Variants in PPFIBP1 observed in about 807,000 individuals in gnomAD.
The protein encoded by PPFIBP1 is PPFIB scaffold protein 1.
Under a neutral mutation model 137.8 loss-of-function variants are expected in PPFIBP1, and 112 were observed. That is an observed-to-expected ratio of 0.81 (90% confidence interval 0.70 to 0.95). The LOEUF (loss-of-function observed/expected upper bound fraction) is 0.95. Ranked by LOEUF, PPFIBP1 falls within the 40% of genes least tolerant of loss-of-function variation. The pLI, the probability that PPFIBP1 is intolerant of heterozygous loss-of-function variation, is 0.00. For missense variants in PPFIBP1, 1,083 were observed against 1,196.6 expected (o/e 0.91, Z 1.40); for synonymous variants, 378 against 417.3 (o/e 0.91, Z 1.15).
At chr12:27,535,763 A>G (rs979405085) in intron 1 of PPFIBP1, among the ~76,000 whole-genome samples, 1 of 152,230 alleles carries the variant, frequency 6.6e-6, no homozygotes, top group African/African-American at 2.4e-5. Context: ...GAAGTTGTCG[A>G]CGCATATGTA....
chr12:27,626,628 G>A (rs757276187), intron 2 of PPFIBP1, among the ~76,000 whole-genome samples: 2 of 151,778 alleles, frequency 1.3e-5, no homozygotes, highest in Non-Finnish European at 2.9e-5. Context: ...GTGCAGTGGT[G>A]CGATCTTGGC....
chr12:27,530,362 GGGCC>G (rs1944280550), intron 1 of PPFIBP1, among the ~76,000 whole-genome samples: 1 of 152,126 alleles, frequency 6.6e-6, no homozygotes. Flanking sequence ...GATCTTGCCA[GGGCC>G]ATTTGTGTGA....
intron 1 of PPFIBP1, among the ~76,000 whole-genome samples, chr12:27,530,656 C>A (rs1400259148): frequency 6.6e-6 from 1 of 152,172 alleles, no homozygotes; most frequent in Non-Finnish European, 1.5e-5. Flanking sequence ...GTTTAATTCA[C>A]CACTATGTCC....
intron 1 of PPFIBP1, chr12:27,549,117 A>G (rs1946510040): frequency 6.6e-6 from 1 of 152,248 alleles, no homozygotes; most frequent in Non-Finnish European, 1.5e-5. Context: ...TGCAGAAACT[A>G]AAAAGCTCTC....
chr12:27,687,355 G>A, intron 24 of PPFIBP1, 30 bp from the exon 25 acceptor site: 2 of 1,610,646 alleles, frequency 1.2e-6, no homozygotes, highest in Non-Finnish European at 1.7e-6. Context: ...GGCCAGCACA[G>A]TGAGCTCCTC....
Position 27,664,441 on chromosome 12 carries a change from A to G in PPFIBP1, c.986A>G (p.Lys329Arg). 2.5e-6 allele frequency: 4 copies of G among 1,608,272 alleles called. No individual in the cohort carries two copies. Among genetic ancestry groups the G allele is most frequent in the African/African-American group, 1.3e-5 (1 of 74,320 alleles). Residue 329 changes from lysine to arginine, a missense_variant, in exon 12 of 30, where the codon AAA becomes AGA. Coordinates refer to ENST00000228425, the MANE Select transcript of PPFIBP1 (RefSeq NM_003622.4). Reference sequence around the variant, plus strand: ...GACACGGTGGTACTGGCCCAAGGTAAAAAAGGTAGAGTGTAGCTCTAAAAG... The same window carrying G: ...GACACGGTGGTACTGGCCCAAGGTAGAAAAGGTAGAGTGTAGCTCTAAAAG... ...MQDTVVLAQG[K>R]KGKDGEYEEL...
intron 1 of PPFIBP1, among the ~76,000 whole-genome samples, chr12:27,530,784 G>A (rs1169619009): frequency 6.6e-6 from 1 of 152,206 alleles, no homozygotes; most frequent in Non-Finnish European, 1.5e-5. Flanking sequence ...CTTAAAAGGG[G>A]AAGCCTCTGT....
intron 5 of PPFIBP1, 44 bp from the exon 6 acceptor site, chr12:27,647,685 C>T (rs755111244): frequency 1.8e-5 from 23 of 1,255,764 alleles, no homozygotes; most frequent in East Asian, 2.6e-5. Context: ...GCAGTGGGAC[C>T]CAAATTCTTT....
chr12:27,601,368 C>T (rs559275017), intron 2 of PPFIBP1, among the ~76,000 whole-genome samples: 3 of 152,180 alleles, frequency 2.0e-5, no homozygotes, highest in African/African-American at 7.2e-5. Context: ...GGTATGATTT[C>T]CTATGCTCTG....
At chr12:27,605,070 G>A (rs1352046393) in intron 2 of PPFIBP1, among the ~76,000 whole-genome samples, 1 of 152,132 alleles carries the variant, frequency 6.6e-6, no homozygotes, top group African/African-American at 2.4e-5. Context: ...AATTGTGGGA[G>A]CTACAAGATG....
At chr12:27,545,442 G>T (rs67259088) in intron 1 of PPFIBP1, among the ~76,000 whole-genome samples, 42 of 152,048 alleles carry the variant, frequency 2.8e-4, no homozygotes, top group African/African-American at 1.0e-3. Context: ...GCCTCATGCT[G>T]ATCCCTTCAA....
intron 2 of PPFIBP1, among the ~76,000 whole-genome samples, chr12:27,594,288 C>T (rs2052923118): frequency 7.0e-6 from 1 of 143,774 alleles, no homozygotes. Context: ...AGTGATTCTT[C>T]TGCCTCAGCC....
intron 21 of PPFIBP1, among the ~76,000 whole-genome samples, chr12:27,680,665 G>C (rs2060822572): frequency 6.6e-6 from 1 of 152,158 alleles, no homozygotes; most frequent in Admixed American, 6.5e-5. Flanking sequence ...GTATTTATCA[G>C]GACTATATAA....
intron 2 of PPFIBP1, chr12:27,593,618 A>T: frequency 2.2e-6 from 1 of 450,500 alleles, no homozygotes; most frequent in Non-Finnish European, 4.2e-6. Context: ...GATTTTCTAG[A>T]AATGTCTGAA....
intron 1 of PPFIBP1, among the ~76,000 whole-genome samples, chr12:27,542,027 C>T (rs1489297085): frequency 2.6e-5 from 4 of 152,122 alleles, no homozygotes; most frequent in African/African-American, 9.7e-5. Flanking sequence ...CTTACCCATC[C>T]TGAACCCTGG....
intron 1 of PPFIBP1, among the ~76,000 whole-genome samples, chr12:27,573,983 T>TA (rs35501114): frequency 7.9e-5 from 11 of 138,670 alleles, no homozygotes; most frequent in African/African-American, 2.9e-4. Flanking sequence ...CCCTGTCTCT[T>TA]AAAAAAAAAA....
chr12:27,652,861 G>T (rs1362224618), intron 7 of PPFIBP1, among the ~76,000 whole-genome samples: 2 of 152,228 alleles, frequency 1.3e-5, no homozygotes, highest in South Asian at 2.1e-4. Flanking sequence ...TAGATAACTG[G>T]GAAAAGCTGA....
chr12:27,689,585 A>G (rs931421577), intron 27 of PPFIBP1, among the ~76,000 whole-genome samples: 4 of 152,148 alleles, frequency 2.6e-5, no homozygotes, highest in African/African-American at 4.8e-5. Context: ...AGAGTTCTGC[A>G]TTGGGTTTTT....
chr12:27,574,508 C>T (rs1413243327), intron 1 of PPFIBP1, among the ~76,000 whole-genome samples: 2 of 152,132 alleles, frequency 1.3e-5, no homozygotes, highest in African/African-American at 4.8e-5. Flanking sequence ...GAATGATAAG[C>T]TTTTATATTC....
Sources: gnomAD v4.1 joint callset for allele counts (sites outside exome capture counted in the v4.1 genomes callset) on GRCh38, gnomAD v4.1.1 for gene constraint, MANE v1.5 for transcripts, NCBI Gene and HGNC (gene_info 2026-07-23, HGNC 2026-07-21) for gene names.